The following BPIFB3 variants were observed in gnomAD, a reference collection of about 807,000 sequenced individuals.
BPIFB3 encodes the protein BPI fold-containing family B member 3.
A neutral mutation model predicts 53.1 loss-of-function variants in BPIFB3; 49 were observed. The ratio of observed to expected loss-of-function variants is 0.92; its 90% CI spans 0.73 to 1.17. The LOEUF is 1.17. Among genes scored for constraint, BPIFB3 ranks in the 50% most tolerant of loss-of-function variants. The probability of loss-of-function intolerance (pLI) is 0.00; values close to 1 mark genes in which losing one functional copy is unlikely to be tolerated. For missense variants in BPIFB3, 628 were observed against 592.5 expected (o/e 1.06, Z -0.62); for synonymous variants, 271 against 269.6 (o/e 1.01, Z -0.05).
At chr20:33,054,739 T>C (rs1179345227), upstream of BPIFB3, among the ~76,000 whole-genome samples, 6 of 151,904 alleles carry the variant, frequency 3.9e-5, no homozygotes. Flanking sequence ...TGGGCATAGA[T>C]GGATATGTGA....
intron 1 of BPIFB3, 142 bp downstream of exon 2, chr20:33,055,689 G>C (rs1980170007): frequency 2.4e-6 from 3 of 1,274,094 alleles, no homozygotes; most frequent in South Asian, 2.8e-5. Context: ...CCTGGGAGTA[G>C]CTGTGCAGGA....
intron 9 of BPIFB3, among the ~76,000 whole-genome samples, chr20:33,067,155 G>T (rs1006647581): frequency 2.0e-5 from 3 of 152,218 alleles, no homozygotes; most frequent in Non-Finnish European, 4.4e-5. Flanking sequence ...GTCTTTTCAG[G>T]TTACTGAGCT....
chr20:33,057,822 C>CAA (rs769606080), intron 2 of BPIFB3, among the ~76,000 whole-genome samples: 1 of 140,228 alleles, frequency 7.1e-6, no homozygotes, highest in Non-Finnish European at 1.6e-5. Context: ...TTTTTTCATT[C>CAA]AAAAAAAAAA....
chr20:33,072,151 T>G lies in BPIFB3; in HGVS notation c.1308T>G (p.Tyr436Ter), dbSNP rs1251104280. ...TCAGCCATGTGGTCGGGGCAGTGTATGCACCAAAGCTTAACGGTATGGCAG... is the reference window on the plus strand; with the variant it reads ...TCAGCCATGTGGTCGGGGCAGTGTAGGCACCAAAGCTTAACGGTATGGCAG... Residue 436 changes from tyrosine (Y) to a stop codon, truncating the protein, a stop_gained, in exon 13 of 15, where the codon TAT (tyrosine) becomes TAG (stop). Coordinates refer to ENST00000375494, the Ensembl canonical transcript of BPIFB3. LOFTEE classifies it high-confidence loss of function. The G allele has an allele frequency of 1.2e-6, 2 of 1,614,208 alleles. No individual in the cohort carries two copies. Among genetic ancestry groups the G allele is most frequent in the Non-Finnish European group, 1.7e-6 (2 of 1,180,028 alleles).
exon 9 of BPIFB3, chr20:33,066,831 G>A: frequency 6.2e-7 from 1 of 1,614,192 alleles, no homozygotes; most frequent in Non-Finnish European, 8.5e-7. Context: ...CAGGTTCCCA[G>A]CGATGTCCCA....
At chr20:33,071,352 T>A in intron 12 of BPIFB3, 57 bp downstream of exon 13, 1 of 1,536,968 alleles carries the variant, frequency 6.5e-7, no homozygotes, top group East Asian at 2.4e-5. Flanking sequence ...AGGTGTGGCA[T>A]GGAAAGGGGG....
chr20:33,073,844 G>A (rs7267265), downstream of BPIFB3, among the ~76,000 whole-genome samples: 31,987 of 152,170 alleles, frequency 0.21, 3,638 homozygotes, highest in Admixed American at 0.28. Context: ...CCTGTATCTC[G>A]GTATCTCCTG....
At chr20:33,061,883 T>A (rs756309937) in intron 5 of BPIFB3, 52 bp downstream of exon 6, 1 of 1,598,524 alleles carries the variant, frequency 6.3e-7, no homozygotes. Context: ...CTGGGCCTCT[T>A]TCCCCCTCTG....
chr20:33,056,841 C>CTACT, intron 2 of BPIFB3, 143 bp downstream of exon 3: 1 of 1,039,036 alleles, frequency 9.6e-7, no homozygotes, highest in South Asian at 1.7e-5. Context: ...AATGATGACT[C>CTACT]TACTGCATGC....
chr20:33,065,771 T>C (rs1568995179), intron 8 of BPIFB3, among the ~76,000 whole-genome samples: 1 of 152,140 alleles, frequency 6.6e-6, no homozygotes, highest in East Asian at 1.9e-4. Context: ...GACATTTATT[T>C]TGGTCTCAGC....
At chr20:33,071,173 G>A in intron 11 of BPIFB3, 80 bp from the exon 13 acceptor site, 2 of 1,346,926 alleles carry the variant, frequency 1.5e-6, no homozygotes, top group East Asian at 2.7e-5. Context: ...GATGATGAGA[G>A]CTATGGTGGG....
At chr20:33,056,721 C>A in intron 2 of BPIFB3, 23 bp downstream of exon 3, 3 of 1,538,002 alleles carry the variant, frequency 2.0e-6, no homozygotes, top group Non-Finnish European at 2.6e-6. Context: ...TGCTGCATGC[C>A]CTACAGGAAG....
In BPIFB3 at chr20:33,064,551, G is replaced by C; in HGVS notation, c.744+3G>C. 6.2e-7 allele frequency: 1 copy of C among 1,613,802 alleles called. No individual in the cohort carries two copies. Among genetic ancestry groups the C allele is most frequent in the Non-Finnish European group, 8.5e-7 (1 of 1,179,754 alleles). ...AGTACATAGAACTGGACATCAACGT[G>C]AGTAACCAGAGGGGCCTCTCCTCCT... is the stretch of plus-strand genomic sequence containing the variant. On this transcript the variant is annotated splice_donor_region_variant and intron_variant, in intron 7 of 14. Coordinates refer to ENST00000375494, the Ensembl canonical transcript of BPIFB3.
chr20:33,063,250 G>A (rs1355897556), intron 5 of BPIFB3, among the ~76,000 whole-genome samples: 2 of 152,186 alleles, frequency 1.3e-5, no homozygotes, highest in African/African-American at 2.4e-5. Context: ...AGAATGGCAG[G>A]GGATGGCCTG....
At chr20:33,068,402 C>G (rs1980750504) in intron 9 of BPIFB3, among the ~76,000 whole-genome samples, 1 of 152,194 alleles carries the variant, frequency 6.6e-6, no homozygotes, top group African/African-American at 2.4e-5. Context: ...GCAGAGGGAG[C>G]AGCAAGTGCA....
At chr20:33,062,378 AG>A (rs1980496515) in intron 5 of BPIFB3, among the ~76,000 whole-genome samples, 1 of 152,222 alleles carries the variant, frequency 6.6e-6, no homozygotes, top group South Asian at 2.1e-4. Flanking sequence ...AAGGGCAGTC[AG>A]GCCTCCTGAC....
intron 13 of BPIFB3, 129 bp from the exon 15 acceptor site, chr20:33,072,588 T>C: frequency 1.3e-6 from 1 of 771,416 alleles, no homozygotes; most frequent in Non-Finnish European, 2.2e-6. Context: ...AATAAGAAGC[T>C]GATTCTGTGA....
chr20:33,059,688 C>T (rs897724028), intron 3 of BPIFB3, among the ~76,000 whole-genome samples: 2 of 152,170 alleles, frequency 1.3e-5, no homozygotes, highest in African/African-American at 4.8e-5. Flanking sequence ...TTCCATTTCG[C>T]TCTTCCTCCA....
At chr20:33,061,916 A>C in intron 5 of BPIFB3, 85 bp downstream of exon 6, 1 of 1,477,940 alleles carries the variant, frequency 6.8e-7, no homozygotes, top group Admixed American at 1.7e-5. Context: ...GTTTGGCGCC[A>C]GGCAGGATTA....
Sources: allele counts gnomAD v4.1 joint callset (sites outside exome capture counted in the v4.1 genomes callset), GRCh38; gene constraint gnomAD v4.1.1; transcripts MANE v1.5; gene names NCBI Gene and HGNC (gene_info 2026-07-23, HGNC 2026-07-21).